Variants in PPA2 observed in about 807,000 individuals in gnomAD.
PPA2 encodes inorganic pyrophosphatase 2, mitochondrial.
PPA2 carries 48 observed loss-of-function variants against 49.5 expected under a neutral mutation model. That is an observed-to-expected ratio of 0.97 (90% CI 0.77 to 1.23). The LOEUF (loss-of-function observed/expected upper bound fraction) is 1.23. Ranked by LOEUF, PPA2 falls within the 50% of genes most tolerant of loss-of-function variation. The pLI, the probability that PPA2 is intolerant of heterozygous loss-of-function variation, is 0.00. For synonymous variants in PPA2, 131 were observed against 139.9 expected, an observed-to-expected ratio of 0.94 and a Z score of 0.45; for missense variants, 429 against 410.1, an observed-to-expected ratio of 1.05 and a Z score of -0.40.
rs1039448154 is a variant in PPA2 at position 105,426,550 on chromosome 4, C to T, written c.529-2228G>A. Among the ~76,000 whole-genome samples, 14 of 152,352 alleles carry T rather than the reference C, an allele frequency of 9.2e-5. 1 individual carries two copies. Among genetic ancestry groups the T allele is most frequent in the African/African-American group, 1.7e-4 (7 of 41,590 alleles). On this transcript the variant is annotated intron_variant, in intron 6 of 11. Coordinates refer to ENST00000341695, the MANE Select transcript of PPA2 (RefSeq NM_176869.3). ...AGATCCCCTCCCGTGCCTGGCTCGG[C>T]GGGTCCCATGCCCACAGAGCCTTGC...
chr4:105,393,052 C>G (rs1453459556), intron 9 of PPA2, among the ~76,000 whole-genome samples: 3 of 152,088 alleles, frequency 2.0e-5, no homozygotes, highest in African/African-American at 7.2e-5. Context: ...GAGTAAAGGT[C>G]TAGAGATTAC....
intron 7 of PPA2, among the ~76,000 whole-genome samples, chr4:105,410,800 T>C (rs1020645428): frequency 6.6e-6 from 1 of 152,204 alleles, no homozygotes; most frequent in African/African-American, 2.4e-5. Flanking sequence ...CAGAATTTCA[T>C]ATCAAGCCAA....
intron 7 of PPA2, among the ~76,000 whole-genome samples, chr4:105,422,399 T>C (rs1237168867): frequency 2.6e-5 from 4 of 152,234 alleles, no homozygotes; most frequent in Non-Finnish European, 5.9e-5. Context: ...GAAAGGAATT[T>C]AGAAAGGTGT....
At chr4:105,436,952 A>C (rs1336444118) in intron 6 of PPA2, among the ~76,000 whole-genome samples, 1 of 152,206 alleles carries the variant, frequency 6.6e-6, no homozygotes, top group Non-Finnish European at 1.5e-5. Flanking sequence ...AATGGAATGA[A>C]AACAAAAATA....
rs1382522166 is a variant in PPA2 at position 105,441,676 on chromosome 4, A to C, written c.442-3640T>G. ...GAAAACTTTAGCATGGACCCAAGAA[A>C]GCTACAAACAACCTATCAACAGGAA... On this transcript the variant is annotated intron_variant, in intron 5 of 11. Transcript: ENST00000341695. Among the ~76,000 whole-genome samples the C allele has an allele frequency of 2.6e-4, 39 of 152,198 alleles. 1 individual carries two copies. The highest frequency in any genetic ancestry group is 2.6e-3 in the Admixed American group (39 of 15,288).
At chr4:105,459,794 T>C (rs1427042019) in intron 1 of PPA2, among the ~76,000 whole-genome samples, 3 of 152,250 alleles carry the variant, frequency 2.0e-5, no homozygotes, top group Admixed American at 6.5e-5. Flanking sequence ...CTAAATACAC[T>C]GTATCAAGCG....
At chr4:105,397,524 G>C (rs186224090) in intron 8 of PPA2, among the ~76,000 whole-genome samples, 1 of 152,144 alleles carries the variant, frequency 6.6e-6, no homozygotes, top group South Asian at 2.1e-4. Flanking sequence ...ATGTTAAAGA[G>C]GCACAAATCA....
At chr4:105,439,437 A>G (rs1340749250) in intron 5 of PPA2, among the ~76,000 whole-genome samples, 1 of 152,072 alleles carries the variant, frequency 6.6e-6, no homozygotes, top group Admixed American at 6.6e-5. Context: ...TAACTTTCCT[A>G]GAGAGGTTCT....
chr4:105,393,161 C>T (rs1212449938), intron 9 of PPA2, among the ~76,000 whole-genome samples: 5 of 152,024 alleles, frequency 3.3e-5, no homozygotes, highest in Admixed American at 1.3e-4. Context: ...AAATCTTGGA[C>T]GGCCTTGTTT....
intron 1 of PPA2, among the ~76,000 whole-genome samples, chr4:105,460,460 CA>C (rs1167406283): frequency 6.6e-6 from 1 of 152,078 alleles, no homozygotes; most frequent in Non-Finnish European, 1.5e-5. Context: ...CAATCCCCTG[CA>C]AATACAGAGG....
intron 1 of PPA2, among the ~76,000 whole-genome samples, 176 bp from the exon 2 acceptor site, chr4:105,456,921 C>T (rs548823211): frequency 2.0e-5 from 3 of 152,034 alleles, no homozygotes; most frequent in Admixed American, 1.3e-4. Context: ...ATCTAAGGAC[C>T]GAAAAGAAAT....
At chr4:105,463,885 G>A (rs1438260994) in intron 1 of PPA2, among the ~76,000 whole-genome samples, 4 of 152,226 alleles carry the variant, frequency 2.6e-5, no homozygotes, top group Admixed American at 2.0e-4. Context: ...TGGATGCCCA[G>A]GCAAAAGTTT....
At chr4:105,456,552 G>T in intron 2 of PPA2, 129 bp downstream of exon 2, 1 of 690,792 alleles carries the variant, frequency 1.4e-6, no homozygotes, top group Non-Finnish European at 2.5e-6. Context: ...TTATGACCCT[G>T]TTATAGTAAC....
At chr4:105,393,440 C>T (rs940546929) in intron 9 of PPA2, among the ~76,000 whole-genome samples, 7 of 150,266 alleles carry the variant, frequency 4.7e-5, no homozygotes, top group South Asian at 2.1e-4. Flanking sequence ...GTCATGTTCG[C>T]GCCCCTGCAC....
chr4:105,429,931 G>A (rs147673560), intron 6 of PPA2, among the ~76,000 whole-genome samples: 2 of 152,286 alleles, frequency 1.3e-5, no homozygotes, highest in East Asian at 1.9e-4. Flanking sequence ...CAGAAATAGC[G>A]TGACTTAAGC....
intron 6 of PPA2, among the ~76,000 whole-genome samples, chr4:105,426,561 C>T (rs558861574): frequency 6.6e-5 from 10 of 152,340 alleles, no homozygotes; most frequent in Admixed American, 1.3e-4. Context: ...GGGTCCCATG[C>T]CCACAGAGCC....
Position 105,437,972 on chromosome 4 carries a change from T to C in PPA2, c.506A>G (p.Asp169Gly), listed in dbSNP as rs1724141771. 6.2e-7 allele frequency: 1 copy of C among 1,609,404 alleles called. No individual in the cohort carries two copies. The highest frequency in any genetic ancestry group is 8.5e-7 in the Non-Finnish European group (1 of 1,178,792). ...TNCFGDNDPI[D>G]VCEIGSKILS... ...AACCTTTGAGCCTATTTCGCAAACATCAATAGGATCATTATCTCCAAAGCA... is the reference window on the plus strand; with the variant it reads ...AACCTTTGAGCCTATTTCGCAAACACCAATAGGATCATTATCTCCAAAGCA... Residue 169 changes from aspartate (D) to glycine (G), a missense_variant, in exon 6 of 12, where the codon GAT (aspartate) becomes GGT (glycine). Physicochemically the swap from Asp to Gly is moderately conservative, Grantham distance 94. Coordinates refer to ENST00000341695, the MANE Select transcript of PPA2 (RefSeq NM_176869.3).
chr4:105,459,760 A>T (rs921030297), intron 1 of PPA2, among the ~76,000 whole-genome samples: 1 of 152,264 alleles, frequency 6.6e-6, no homozygotes, highest in Non-Finnish European at 1.5e-5. Flanking sequence ...TGCACTATTG[A>T]TACACACAAT....
intron 6 of PPA2, among the ~76,000 whole-genome samples, chr4:105,426,297 A>T (rs1209631487): frequency 6.6e-6 from 1 of 152,180 alleles, no homozygotes; most frequent in Non-Finnish European, 1.5e-5. Context: ...CTGTATTTCA[A>T]ACTGAGGTAC....
Sources: allele counts gnomAD v4.1 joint callset (sites outside exome capture counted in the v4.1 genomes callset), GRCh38; gene constraint gnomAD v4.1.1; transcripts MANE v1.5; gene names NCBI Gene and HGNC (gene_info 2026-07-23, HGNC 2026-07-21).